The following SLC25A21 variants were observed in gnomAD, a reference collection of about 807,000 sequenced individuals.
The protein encoded by SLC25A21 is mitochondrial 2-oxodicarboxylate carrier.
In SLC25A21, 47 loss-of-function variants were observed where a neutral mutation model predicts 43.8. The observed-to-expected ratio is 1.07, with a 90% CI of 0.85 to 1.37. SLC25A21 has a LOEUF of 1.37. Among genes scored for constraint, SLC25A21 ranks in the 40% most tolerant of loss-of-function variants. The probability of loss-of-function intolerance (pLI) is 0.00; values close to 1 mark genes in which losing one functional copy is unlikely to be tolerated. For missense variants in SLC25A21, 352 were observed against 350.2 expected (o/e 1.00, Z -0.04); for synonymous variants, 131 against 121.3 (o/e 1.08, Z -0.52).
At chr14:36,881,116 A>G (rs1890708213) in intron 1 of SLC25A21, among the ~76,000 whole-genome samples, 2 of 152,216 alleles carry the variant, frequency 1.3e-5, no homozygotes, top group Admixed American at 1.3e-4. Flanking sequence ...TATGTTCTGC[A>G]TCAATTCTAG....
At chr14:37,150,058 T>A (rs1459752488) in intron 1 of SLC25A21, among the ~76,000 whole-genome samples, 1 of 152,062 alleles carries the variant, frequency 6.6e-6, no homozygotes, top group Admixed American at 6.6e-5. Context: ...TCAAGAAAAA[T>A]TATTATTCAT....
chr14:36,780,025 T>G (rs994511618), intron 3 of SLC25A21, among the ~76,000 whole-genome samples: 2 of 151,998 alleles, frequency 1.3e-5, no homozygotes, highest in Non-Finnish European at 2.9e-5. Context: ...ATCGTACTTC[T>G]TATTGATCTG....
intron 3 of SLC25A21, among the ~76,000 whole-genome samples, chr14:36,767,579 G>A (rs1051398539): frequency 6.6e-6 from 1 of 152,208 alleles, no homozygotes; most frequent in African/African-American, 2.4e-5. Flanking sequence ...TTAGGGAGAA[G>A]GGAACCATCA....
chr14:37,142,573 G>A (rs1211504322), intron 1 of SLC25A21, among the ~76,000 whole-genome samples: 2 of 152,088 alleles, frequency 1.3e-5, no homozygotes, highest in Non-Finnish European at 2.9e-5. Context: ...ATGTTACCAG[G>A]CTGATCCGGA....
At chr14:36,955,009 T>C (rs1959298199) in intron 1 of SLC25A21, among the ~76,000 whole-genome samples, 1 of 152,160 alleles carries the variant, frequency 6.6e-6, no homozygotes, top group Non-Finnish European at 1.5e-5. Context: ...CACTTTCTAC[T>C]TCATATTTGG....
intron 1 of SLC25A21, among the ~76,000 whole-genome samples, chr14:37,042,329 T>G (rs752706077): frequency 6.6e-6 from 1 of 152,136 alleles, no homozygotes; most frequent in Non-Finnish European, 1.5e-5. Flanking sequence ...TTTGATATCA[T>G]CAAAATTGTT....
At chr14:36,937,789 G>A (rs1056866433) in intron 1 of SLC25A21, among the ~76,000 whole-genome samples, 3 of 152,156 alleles carry the variant, frequency 2.0e-5, no homozygotes, top group Non-Finnish European at 2.9e-5. Context: ...CAAAGGCCAT[G>A]AGGCAAGAAA....
intron 1 of SLC25A21, among the ~76,000 whole-genome samples, chr14:36,958,177 C>A (rs113474288): frequency 6.6e-6 from 1 of 151,826 alleles, no homozygotes; most frequent in Admixed American, 6.6e-5. Context: ...TGCCAACAAG[C>A]CTGCCACTGC....
chr14:36,938,282 G>A (rs1400738869), intron 1 of SLC25A21, among the ~76,000 whole-genome samples: 1 of 152,084 alleles, frequency 6.6e-6, no homozygotes, highest in Non-Finnish European at 1.5e-5. Context: ...ACTCCCCTAG[G>A]CACAGAGTGG....
At chr14:36,918,714 C>A (rs1891897181) in intron 1 of SLC25A21, among the ~76,000 whole-genome samples, 1 of 151,804 alleles carries the variant, frequency 6.6e-6, no homozygotes, top group African/African-American at 2.4e-5. Context: ...GATCAGAAAC[C>A]AACCCAACTA....
chr14:37,129,768 A>G (rs1017582118), intron 1 of SLC25A21, among the ~76,000 whole-genome samples: 5 of 151,220 alleles, frequency 3.3e-5, no homozygotes, highest in Admixed American at 2.6e-4. Flanking sequence ...TTTTTTAACT[A>G]TATTATAGGG....
chr14:36,747,288 T>C (rs1885537361), intron 3 of SLC25A21, among the ~76,000 whole-genome samples: 2 of 152,164 alleles, frequency 1.3e-5, no homozygotes, highest in African/African-American at 4.8e-5. Flanking sequence ...AGCCACACTC[T>C]TTGGCCTTAA....
At chr14:37,109,652 G>C (rs1446697422) in intron 1 of SLC25A21, among the ~76,000 whole-genome samples, 1 of 152,148 alleles carries the variant, frequency 6.6e-6, no homozygotes, top group Non-Finnish European at 1.5e-5. Flanking sequence ...GCTAGCTTTA[G>C]CTCTACTTCT....
intron 3 of SLC25A21, among the ~76,000 whole-genome samples, chr14:36,803,783 C>T (rs941328084): frequency 6.6e-6 from 1 of 152,220 alleles, no homozygotes; most frequent in African/African-American, 2.4e-5. Flanking sequence ...GATGCTTCTT[C>T]ACTCCCATCT....
chr14:36,697,879 T>C (rs189033181), intron 7 of SLC25A21, among the ~76,000 whole-genome samples: 272 of 152,302 alleles, frequency 1.8e-3, no homozygotes, highest in African/African-American at 4.5e-3. Flanking sequence ...TTTGCCAGTC[T>C]GTGTCTTTTA....
At chr14:36,864,121 C>T (rs1890146788) in intron 2 of SLC25A21, among the ~76,000 whole-genome samples, 1 of 152,162 alleles carries the variant, frequency 6.6e-6, no homozygotes, top group Non-Finnish European at 1.5e-5. Context: ...TTCTGTAATA[C>T]TGCAAAAAGT....
At chr14:37,046,931 A>G (rs1961599301) in intron 1 of SLC25A21, among the ~76,000 whole-genome samples, 2 of 152,196 alleles carry the variant, frequency 1.3e-5, no homozygotes, top group Admixed American at 6.5e-5. Flanking sequence ...TCTGTCTTAA[A>G]TACAAACCAA....
intron 1 of SLC25A21, among the ~76,000 whole-genome samples, chr14:37,138,040 T>G (rs2138915645): frequency 6.6e-6 from 1 of 152,288 alleles, no homozygotes; most frequent in African/African-American, 2.4e-5. Context: ...GCCCCAAAAC[T>G]TGTTTCTTAA....
chr14:37,075,215 T>C (rs947070338), intron 1 of SLC25A21, among the ~76,000 whole-genome samples: 1 of 152,128 alleles, frequency 6.6e-6, no homozygotes. Flanking sequence ...TCTTTCAACA[T>C]TTCCCCTTTC....
Sources: allele counts gnomAD v4.1 joint callset (sites outside exome capture counted in the v4.1 genomes callset), GRCh38; gene constraint gnomAD v4.1.1; transcripts MANE v1.5; gene names NCBI Gene and HGNC (gene_info 2026-07-23, HGNC 2026-07-21).